HEATR5B: variants seen among roughly 807,000 people sequenced by gnomAD.
HEATR5B encodes HEAT repeat containing 5B, also known as HEAT repeat-containing protein 5B.
HEATR5B carries 156 observed loss-of-function variants against 224.1 expected under a neutral mutation model. The ratio of observed to expected loss-of-function variants is 0.70; its 90% CI spans 0.61 to 0.80. The LOEUF is 0.80. Among genes scored for constraint, HEATR5B ranks in the 30% least tolerant of loss-of-function variants. The pLI, the probability that HEATR5B is intolerant of heterozygous loss-of-function variation, is 0.00. For synonymous variants in HEATR5B, 1,027 were observed against 893.0 expected (o/e 1.15, Z -2.68); for missense variants, 2,323 against 2,535.5 (o/e 0.92, Z 1.80).
Position 36,981,324 on chromosome 2 carries a change from A to C in HEATR5B, c.*166T>G, listed in dbSNP as rs1665567536. On this transcript the variant is annotated 3_prime_UTR_variant, in exon 36 of 36. Transcript: ENST00000233099. ...CACATGATAAAAAAAATCACTCCTT[A>C]AAAATCAATAAGTGGTGTGAGCATT... 1.1e-5 allele frequency: 5 copies of C among 464,052 alleles called. No homozygotes were observed. Among genetic ancestry groups the C allele is most frequent in the Admixed American group, 8.2e-5 (2 of 24,520 alleles). The allele number at this position is 464,052 out of a possible 1,614,324, so 28.7% of individuals were successfully genotyped here.
chr2:36,997,603 G>A (rs887804232), intron 33 of HEATR5B, among the ~76,000 whole-genome samples: 25 of 118,476 alleles, frequency 2.1e-4, no homozygotes, highest in Admixed American at 5.8e-4. Flanking sequence ...GTCTCGCTCT[G>A]TAGCCCAGGC....
At chr2:37,022,076 T>G (rs1668498526) in intron 24 of HEATR5B, among the ~76,000 whole-genome samples, 1 of 151,970 alleles carries the variant, frequency 6.6e-6, no homozygotes, top group Admixed American at 6.6e-5. Flanking sequence ...TACCTGTGTT[T>G]TTTCCCAGGT....
chr2:37,028,973 A>C (rs992055137), intron 22 of HEATR5B, 53 bp from the exon 23 acceptor site: 2 of 1,563,014 alleles, frequency 1.3e-6, no homozygotes, highest in African/African-American at 2.7e-5. Flanking sequence ...TGTACGCTAT[A>C]GGTAACAATT....
chr2:37,013,013 A>T (rs1219247949), intron 27 of HEATR5B, among the ~76,000 whole-genome samples: 1 of 152,210 alleles, frequency 6.6e-6, no homozygotes, highest in East Asian at 1.9e-4. Flanking sequence ...TCACCCCCGT[A>T]TTCTCAACTG....
At position 37,053,693 on chromosome 2, in the gene HEATR5B, T is replaced by C. The variant is rs146020037; in HGVS notation, c.2400-86A>G. On this transcript the variant is annotated intron_variant, in intron 16 of 35. Transcript: ENST00000233099. ...AACGGATAAGAAGAGTACAAGTTAA[T>C]TGTTTAGCAAATAATTCCCCATGCT... 196 of 680,114 alleles carry C rather than the reference T, an allele frequency of 2.9e-4. 2 individuals are homozygous for C. In the African/African-American group the frequency reaches 3.1e-3, roughly 11 times the overall value. The allele number at this position is 680,114 out of a possible 1,614,324, so 42.1% of individuals were successfully genotyped here. A position where few individuals can be genotyped will look rare whatever the true frequency, so the allele number is the denominator to read the frequency against.
intron 27 of HEATR5B, among the ~76,000 whole-genome samples, 199 bp from the exon 28 acceptor site, chr2:37,009,047 C>G (rs1667616465): frequency 6.6e-6 from 1 of 151,684 alleles, no homozygotes; most frequent in African/African-American, 2.4e-5. Context: ...ATCATGAGGT[C>G]AAGAGATTGA....
intron 27 of HEATR5B, among the ~76,000 whole-genome samples, chr2:37,010,414 A>C (rs1667713550): frequency 6.6e-6 from 1 of 152,160 alleles, no homozygotes; most frequent in Non-Finnish European, 1.5e-5. Context: ...ACAGCAATTG[A>C]CTAAATTCTA....
At chr2:37,020,918 T>G in intron 24 of HEATR5B, 82 bp from the exon 25 acceptor site, 1 of 827,502 alleles carries the variant, frequency 1.2e-6, no homozygotes, top group East Asian at 2.9e-5. Flanking sequence ...TGAAATAAAT[T>G]TTTGATAAAA....
In HEATR5B at chr2:37,068,871, C is replaced by T. The variant is rs372177706; in HGVS notation, c.987G>A (p.Thr329=). The change falls in exon 8 of 36, where the codon ACG becomes ACA. Residue 329 remains threonine, a synonymous_variant. Coordinates refer to ENST00000233099, the MANE Select transcript of HEATR5B (RefSeq NM_019024.3). ...CCAGATCAAGTACATGGGACAGGAACGTGGCAAAGCTGCGCTCCAACCACT... is the reference window on the plus strand; with the variant it reads ...CCAGATCAAGTACATGGGACAGGAATGTGGCAAAGCTGCGCTCCAACCACT... The part of the protein sequence containing the change: ...GGQWLERSFA[T]FLSHVLDLVS... 174 of 1,614,122 alleles carry T rather than the reference C, an allele frequency of 1.1e-4. No homozygotes were observed. The highest frequency in any genetic ancestry group is 8.3e-4 in the Middle Eastern group (5 of 6,058).
At chr2:37,027,329 G>A (rs1023569059) in intron 24 of HEATR5B, among the ~76,000 whole-genome samples, 2 of 152,114 alleles carry the variant, frequency 1.3e-5, no homozygotes, top group South Asian at 2.1e-4. Flanking sequence ...ATGAAATGAA[G>A]GTACTGGGTC....
chr2:37,005,585 A>G (rs1020616485), intron 30 of HEATR5B, 47 bp downstream of exon 30: 2 of 1,566,628 alleles, frequency 1.3e-6, no homozygotes, highest in Non-Finnish European at 1.7e-6. Flanking sequence ...GTAAAGCAAT[A>G]CTCAAAAAAA....
chr2:37,007,300 T>C lies in HEATR5B; in HGVS notation c.4527A>G (p.Gly1509=). Residue 1509 remains glycine, a synonymous_variant, in exon 29 of 36, where the codon GGA becomes GGG. Coordinates refer to ENST00000233099, the MANE Select transcript of HEATR5B (RefSeq NM_019024.3). ...EFSSQLPPDG[G]AFYTPETIDT... ...CAATAGTTTCAGGGGTATAAAATGC[T>C]CCACCTGTAAAGCAATCAAATCAAT... 2.0e-6 allele frequency: 3 copies of C among 1,523,596 alleles called. No homozygotes were observed. Among genetic ancestry groups the C allele is most frequent in the Non-Finnish European group, 2.7e-6 (3 of 1,101,002 alleles). The allele number at this position is 1,523,596 out of a possible 1,614,324, so 94.4% of individuals were successfully genotyped here.
chr2:36,984,072 C>T (rs1016937060), intron 35 of HEATR5B, among the ~76,000 whole-genome samples: 3 of 145,426 alleles, frequency 2.1e-5, no homozygotes, highest in South Asian at 4.5e-4. Context: ...TGGTGGCAGG[C>T]GCCTGTAATC....
chr2:37,071,281 A>C (rs968156989), intron 6 of HEATR5B, among the ~76,000 whole-genome samples: 1 of 152,172 alleles, frequency 6.6e-6, no homozygotes, highest in Non-Finnish European at 1.5e-5. Context: ...TTCTCTTTCT[A>C]TGATACAGAG....
chr2:37,028,276 AATTCT>A, intron 23 of HEATR5B, 102 bp from the exon 24 acceptor site: 7 of 687,610 alleles, frequency 1.0e-5, no homozygotes, highest in Non-Finnish European at 1.5e-5. Flanking sequence ...AAAAAGACTA[AATTCT>A]TACTTGCTGG....
rs200413903 is a variant in HEATR5B, at chr2:37,053,620, G to GAA, written c.2400-15_2400-14dup. The GAA allele has an allele frequency of 1.1e-5, 17 of 1,516,100 alleles. No individual in the cohort carries two copies. Among genetic ancestry groups the GAA allele is most frequent in the South Asian group, 3.6e-5 (3 of 83,320 alleles). 93.9% of individuals were successfully genotyped at this position (1,516,100 alleles called of 1,614,324 possible). A position where few individuals can be genotyped will look rare whatever the true frequency, so the allele number is the denominator to read the frequency against. On this transcript the variant is annotated splice_polypyrimidine_tract_variant and intron_variant, in intron 16 of 35. Transcript: ENST00000233099. ...CAACATTTGTAATCTATAACAATAA[G>GAA]AAAAAAAAATCACATTAGTGACAAA... is the stretch of plus-strand genomic sequence containing the variant.
At chr2:36,989,239 C>G (rs1390552280) in intron 34 of HEATR5B, among the ~76,000 whole-genome samples, 1 of 152,086 alleles carries the variant, frequency 6.6e-6, no homozygotes, top group Non-Finnish European at 1.5e-5. Context: ...GTGCGCACCA[C>G]CACACCCAGC....
intron 11 of HEATR5B, 134 bp from the exon 12 acceptor site, chr2:37,060,867 A>G: frequency 1.8e-6 from 1 of 568,276 alleles, no homozygotes; most frequent in African/African-American, 1.9e-5. Flanking sequence ...GATGTTTAAC[A>G]ATATCTGTTA....
At chr2:37,020,406 G>A (rs937290621) in intron 25 of HEATR5B, among the ~76,000 whole-genome samples, 2 of 152,166 alleles carry the variant, frequency 1.3e-5, no homozygotes, top group Admixed American at 1.3e-4. Context: ...GGAAAGCTGA[G>A]CTGGAATTTC....
Sources: gnomAD v4.1 joint callset for allele counts (sites outside exome capture counted in the v4.1 genomes callset) on GRCh38, gnomAD v4.1.1 for gene constraint, MANE v1.5 for transcripts, NCBI Gene and HGNC (gene_info 2026-07-23, HGNC 2026-07-21) for gene names.